The following GAS2 variants were observed in gnomAD, a reference collection of about 807,000 sequenced individuals.
GAS2 encodes the protein growth arrest specific 2.
In GAS2, 20 loss-of-function variants were observed where a neutral mutation model predicts 37.5. The observed-to-expected ratio is 0.53, with a 90% confidence interval of 0.37 to 0.77. The LOEUF is 0.77. Among genes scored for constraint, GAS2 ranks in the 30% least tolerant of loss-of-function variants. GAS2 has a pLI of 0.00. For missense variants in GAS2, 336 were observed against 373.4 expected, an observed-to-expected ratio of 0.90 and a Z score of 0.82; for synonymous variants, 144 against 132.2, an observed-to-expected ratio of 1.09 and a Z score of -0.61.
chr11:22,763,803 A>G (rs780101905), intron 7 of GAS2, among the ~76,000 whole-genome samples: 2 of 152,234 alleles, frequency 1.3e-5, no homozygotes, highest in Non-Finnish European at 2.9e-5. Context: ...GCTCTAAGCC[A>G]TAGTAAGAGA....
At chr11:22,762,665 T>C (rs1369992693) in intron 7 of GAS2, among the ~76,000 whole-genome samples, 1 of 152,178 alleles carries the variant, frequency 6.6e-6, no homozygotes, top group Non-Finnish European at 1.5e-5. Flanking sequence ...AATTGCATAA[T>C]CAATAGTGCC....
chr11:22,672,706 A>G (rs1428498394), intron 1 of GAS2: 1 of 152,172 alleles, frequency 6.6e-6, no homozygotes, highest in African/African-American at 2.4e-5. Flanking sequence ...TTATTTAAGT[A>G]TATGAATCAT....
chr11:22,707,289 C>T (rs971677313), intron 3 of GAS2, among the ~76,000 whole-genome samples: 2 of 152,136 alleles, frequency 1.3e-5, no homozygotes, highest in African/African-American at 4.8e-5. Flanking sequence ...TTCATGAGTA[C>T]CTGAGGGTTA....
At chr11:22,798,677 G>C (rs1856535744) in intron 7 of GAS2, among the ~76,000 whole-genome samples, 1 of 152,034 alleles carries the variant, frequency 6.6e-6, no homozygotes, top group Admixed American at 6.6e-5. Context: ...CGTAACTAGA[G>C]AAGTTGAAAT....
In GAS2 at chr11:22,729,929, C is replaced by A. The variant is rs971614795; in HGVS notation, c.409+3496C>A. 2.6e-5 allele frequency among the ~76,000 whole-genome samples: 4 copies of A among 151,690 alleles called. No individual in the cohort carries two copies. In the East Asian group the frequency reaches 5.8e-4, roughly 22 times the overall value. Reference sequence around the variant, plus strand: ...CAAAGACCTCAGAAGTATTTATACACTTTGATTAAGTTGTTCTGCTTCCAA... The same window carrying A: ...CAAAGACCTCAGAAGTATTTATACAATTTGATTAAGTTGTTCTGCTTCCAA... On this transcript the variant is annotated intron_variant, in intron 4 of 7. Coordinates refer to ENST00000454584, the MANE Select transcript of GAS2 (RefSeq NM_001143830.3).
intron 1 of GAS2, among the ~76,000 whole-genome samples, chr11:22,657,128 T>TTCTTCATC (rs1338018610): frequency 6.6e-6 from 1 of 152,204 alleles, no homozygotes; most frequent in African/African-American, 2.4e-5. Context: ...AAAAACAGAC[T>TTCTTCATC]TCTTCATCTC....
At chr11:22,662,469 C>G (rs1166186619), upstream of GAS2, among the ~76,000 whole-genome samples, 1 of 152,154 alleles carries the variant, frequency 6.6e-6, no homozygotes, top group African/African-American at 2.4e-5. Context: ...TATTGAGTGT[C>G]TACTATATGT....
At chr11:22,699,693 C>T (rs764365296) in intron 3 of GAS2, among the ~76,000 whole-genome samples, 1 of 152,090 alleles carries the variant, frequency 6.6e-6, no homozygotes. Flanking sequence ...TTAGTTTTCT[C>T]ATTTGTAAAA....
intron 3 of GAS2, among the ~76,000 whole-genome samples, chr11:22,688,079 C>T (rs1425155475): frequency 1.3e-5 from 2 of 152,148 alleles, no homozygotes; most frequent in Non-Finnish European, 2.9e-5. Context: ...TGTAAGATAA[C>T]CCTAAAGCAT....
chr11:22,642,275 A>T (rs1452483272), intron 1 of GAS2, among the ~76,000 whole-genome samples: 1 of 152,158 alleles, frequency 6.6e-6, no homozygotes, highest in Non-Finnish European at 1.5e-5. Context: ...GGAAGTCTTG[A>T]CAGGATGATG....
chr11:22,667,667 A>G (rs530192061), intron 1 of GAS2, among the ~76,000 whole-genome samples: 38 of 152,310 alleles, frequency 2.5e-4, no homozygotes, highest in Admixed American at 2.4e-3. Context: ...CAGTATGGTA[A>G]ATTACCATTA....
chr11:22,634,029 T>G (rs1858784546), intron 1 of GAS2, among the ~76,000 whole-genome samples: 1 of 152,166 alleles, frequency 6.6e-6, no homozygotes, highest in South Asian at 2.1e-4. Flanking sequence ...GTTTTCAAAC[T>G]GCTGAGGAAG....
chr11:22,758,377 A>G (rs1271463003), intron 7 of GAS2, among the ~76,000 whole-genome samples: 1 of 152,206 alleles, frequency 6.6e-6, no homozygotes, highest in Non-Finnish European at 1.5e-5. Flanking sequence ...GGTCATATTT[A>G]CTGACAGTAT....
At chr11:22,693,309 T>G (rs1377541146) in intron 3 of GAS2, among the ~76,000 whole-genome samples, 1 of 152,218 alleles carries the variant, frequency 6.6e-6, no homozygotes, top group African/African-American at 2.4e-5. Flanking sequence ...AGATGAATGT[T>G]AAGTACCAGG....
At chr11:22,705,140 C>G (rs918849466) in intron 3 of GAS2, among the ~76,000 whole-genome samples, 1 of 151,966 alleles carries the variant, frequency 6.6e-6, no homozygotes, top group East Asian at 1.9e-4. Context: ...GCCTACAAGG[C>G]TCTATATGCA....
At chr11:22,717,139 A>G (rs1308425200) in intron 3 of GAS2, among the ~76,000 whole-genome samples, 1 of 2,518 alleles carries the variant, frequency 4.0e-4, no homozygotes, top group Non-Finnish European at 0.056. Context: ...CATAACTAGG[A>G]AAAAAAAATC....
At chr11:22,789,744 C>T (rs1004969544) in intron 7 of GAS2, among the ~76,000 whole-genome samples, 5 of 151,698 alleles carry the variant, frequency 3.3e-5, no homozygotes, top group South Asian at 2.1e-4. Context: ...GGATTAGAGG[C>T]GTGAGCCACC....
chr11:22,720,521 T>G (rs575690762), intron 3 of GAS2, among the ~76,000 whole-genome samples: 1 of 152,186 alleles, frequency 6.6e-6, no homozygotes, highest in African/African-American at 2.4e-5. Flanking sequence ...AGGAAATAAT[T>G]TTATTGAAAG....
intron 2 of GAS2, among the ~76,000 whole-genome samples, chr11:22,684,632 T>C (rs1849851736): frequency 6.6e-6 from 1 of 152,218 alleles, no homozygotes; most frequent in African/African-American, 2.4e-5. Context: ...TGGCACGATC[T>C]CAGCTCACTG....
Sources: gnomAD v4.1 joint callset for allele counts (sites outside exome capture counted in the v4.1 genomes callset) on GRCh38, gnomAD v4.1.1 for gene constraint, MANE v1.5 for transcripts, NCBI Gene and HGNC (gene_info 2026-07-23, HGNC 2026-07-21) for gene names.